The following MCTP1 variants were observed in gnomAD, a reference collection of about 807,000 sequenced individuals.
The protein encoded by MCTP1 is multiple C2 and transmembrane domain containing 1, also known as multiple C2 and transmembrane domain-containing protein 1.
In MCTP1, 69 loss-of-function variants were observed where a neutral mutation model predicts 120.6. The ratio of observed to expected loss-of-function variants is 0.57; its 90% CI spans 0.47 to 0.70. MCTP1 has a LOEUF of 0.70. Ranked by LOEUF, MCTP1 falls within the 30% of genes least tolerant of loss-of-function variation. The pLI, the probability that MCTP1 is intolerant of heterozygous loss-of-function variation, is 0.00. For synonymous variants in MCTP1, 529 were observed against 493.1 expected (o/e 1.07, Z -0.96); for missense variants, 1,203 against 1,248.8 (o/e 0.96, Z 0.55).
At chr5:94,744,312 C>T (rs1352079017) in intron 19 of MCTP1, among the ~76,000 whole-genome samples, 1 of 152,206 alleles carries the variant, frequency 6.6e-6, no homozygotes, top group African/African-American at 2.4e-5. Flanking sequence ...ATCCTGTCCA[C>T]AGCTGAATTC....
At chr5:94,900,420 A>T (rs375412038) in intron 10 of MCTP1, among the ~76,000 whole-genome samples, 1 of 152,328 alleles carries the variant, frequency 6.6e-6, no homozygotes, top group East Asian at 1.9e-4. Context: ...TCAATAATTT[A>T]TCCTTGGTGA....
intron 1 of MCTP1, among the ~76,000 whole-genome samples, chr5:95,165,704 G>A (rs1176134012): frequency 6.6e-6 from 1 of 152,154 alleles, no homozygotes; most frequent in African/African-American, 2.4e-5. Context: ...GATCAACCAT[G>A]ATACACATTA....
intron 20 of MCTP1, 77 bp from the exon 21 acceptor site, chr5:94,711,004 CT>C: frequency 2.0e-6 from 2 of 990,238 alleles, no homozygotes; most frequent in Non-Finnish European, 3.1e-6. Context: ...ATGATTCTAA[CT>C]TGGGACCTAG....
intron 2 of MCTP1, among the ~76,000 whole-genome samples, chr5:94,964,319 A>T (rs534508559): frequency 6.6e-6 from 1 of 152,294 alleles, no homozygotes; most frequent in East Asian, 1.9e-4. Flanking sequence ...GTGCTTGAGA[A>T]TGATGTGCTG....
chr5:95,116,974 T>G (rs2152398985), intron 1 of MCTP1, among the ~76,000 whole-genome samples: 1 of 152,188 alleles, frequency 6.6e-6, no homozygotes, highest in Non-Finnish European at 1.5e-5. Flanking sequence ...ATGGAGAAAA[T>G]TTTTGCAATC....
intron 1 of MCTP1, among the ~76,000 whole-genome samples, chr5:95,084,586 AT>A (rs1473518630): frequency 1.3e-5 from 2 of 148,548 alleles, no homozygotes; most frequent in Non-Finnish European, 3.0e-5. Flanking sequence ...TATTGGCTTT[AT>A]AAAATACAGC....
intron 1 of MCTP1, among the ~76,000 whole-genome samples, chr5:95,228,883 C>A (rs938422442): frequency 6.6e-6 from 1 of 152,140 alleles, no homozygotes; most frequent in Non-Finnish European, 1.5e-5. Flanking sequence ...TTTCCTGAGG[C>A]CTCCCCAGAA....
intron 13 of MCTP1, among the ~76,000 whole-genome samples, chr5:94,871,804 C>G (rs1486736469): frequency 6.6e-6 from 1 of 152,018 alleles, no homozygotes; most frequent in Non-Finnish European, 1.5e-5. Flanking sequence ...TAAAACACCA[C>G]CAGGTTTGAT....
intron 17 of MCTP1, among the ~76,000 whole-genome samples, chr5:94,802,262 C>T (rs1477918313): frequency 6.6e-6 from 1 of 152,078 alleles, no homozygotes; most frequent in Non-Finnish European, 1.5e-5. Flanking sequence ...TTTTCTTTTT[C>T]AGCACCTAAA....
At chr5:94,994,253 A>C (rs1018039119) in intron 2 of MCTP1, among the ~76,000 whole-genome samples, 5 of 152,226 alleles carry the variant, frequency 3.3e-5, no homozygotes, top group African/African-American at 1.2e-4. Context: ...GGGACAATTT[A>C]GTATACAAAG....
intron 1 of MCTP1, among the ~76,000 whole-genome samples, chr5:95,054,429 T>TG (rs1454627865): frequency 1.3e-5 from 2 of 152,212 alleles, no homozygotes; most frequent in African/African-American, 4.8e-5. Flanking sequence ...TATTAGGACC[T>TG]GCAGAAGACA....
intron 15 of MCTP1, 139 bp from the exon 16 acceptor site, chr5:94,870,630 T>C: frequency 1.4e-6 from 1 of 701,302 alleles, no homozygotes; most frequent in East Asian, 2.6e-5. Flanking sequence ...TGTATACAGT[T>C]GCACATGCAT....
At chr5:94,873,049 A>C (rs879748015) in intron 13 of MCTP1, 90 bp downstream of exon 13, 17 of 774,896 alleles carry the variant, frequency 2.2e-5, no homozygotes, top group African/African-American at 8.7e-5. Context: ...ATCAGTTAAG[A>C]ATAAACACAC....
At chr5:95,172,919 T>C (rs1747512142) in intron 1 of MCTP1, among the ~76,000 whole-genome samples, 1 of 152,188 alleles carries the variant, frequency 6.6e-6, no homozygotes, top group Non-Finnish European at 1.5e-5. Flanking sequence ...TATGCATTCA[T>C]TGAATAGGAA....
In MCTP1 at chr5:94,960,733, C is replaced by T. The variant is rs148240577; in HGVS notation, c.839-7372G>A. On this transcript the variant is annotated intron_variant, in intron 2 of 22. Coordinates refer to ENST00000515393, the MANE Select transcript of MCTP1 (RefSeq NM_024717.7). ...AAAACCCCAATGACACACCATGTCA[C>T]GACCGTTAGAATGGCAATCATTAAA... 6.5e-3 allele frequency among the ~76,000 whole-genome samples: 997 copies of T among 152,234 alleles called. 7 individuals are homozygous for T. The highest frequency in any genetic ancestry group is 8.4e-3 in the Non-Finnish European group (572 of 68,016).
chr5:95,256,739 A>G (rs893783647), intron 1 of MCTP1, among the ~76,000 whole-genome samples: 1 of 152,208 alleles, frequency 6.6e-6, no homozygotes, highest in Non-Finnish European at 1.5e-5. Context: ...AAAGAGAGAG[A>G]GGAAAGAGAC....
At chr5:95,209,840 T>C (rs1430001384) in intron 1 of MCTP1, among the ~76,000 whole-genome samples, 7 of 152,210 alleles carry the variant, frequency 4.6e-5, no homozygotes, top group African/African-American at 1.7e-4. Flanking sequence ...CACACTGCTA[T>C]GAATGTGTCC....
In MCTP1 at chr5:95,101,097, A is replaced by G. The variant is rs1276738002; in HGVS notation, c.721-83613T>C. Among the ~76,000 whole-genome samples the G allele has an allele frequency of 2.6e-5, 4 of 152,216 alleles. No homozygotes were observed. In the East Asian group the frequency reaches 5.8e-4, roughly 22 times the overall value. ...CTCTAATTAGAAAGAAAGTAAAAAA[A>G]AAACCAAACAAACTATGACTCTATA... On this transcript the variant is annotated intron_variant, in intron 1 of 22. Transcript: ENST00000515393.
chr5:94,770,168 C>T (rs1188173844), intron 19 of MCTP1, among the ~76,000 whole-genome samples: 1 of 152,194 alleles, frequency 6.6e-6, no homozygotes, highest in Non-Finnish European at 1.5e-5. Context: ...ACATCTGGTT[C>T]TGCTGCTTTG....
Sources: allele counts gnomAD v4.1 joint callset (sites outside exome capture counted in the v4.1 genomes callset), GRCh38; gene constraint gnomAD v4.1.1; transcripts MANE v1.5; gene names NCBI Gene and HGNC (gene_info 2026-07-23, HGNC 2026-07-21).